Variants in DISP3 observed in about 807,000 individuals in gnomAD.
DISP3 encodes dispatched RND transporter family member 3, also known as protein dispatched homolog 3.
Under a neutral mutation model 135.3 loss-of-function variants are expected in DISP3, and 101 were observed. The observed-to-expected ratio is 0.75, with a 90% CI of 0.64 to 0.88. The LOEUF (loss-of-function observed/expected upper bound fraction) is 0.88, where lower values mean the gene tolerates loss of function less well. Ranked by LOEUF, DISP3 falls within the 40% of genes least tolerant of loss-of-function variation. The pLI is 0.00. For missense variants in DISP3, 1,713 were observed against 1,878.6 expected, an observed-to-expected ratio of 0.91 and a Z score of 1.63; for synonymous variants, 856 against 817.0, an observed-to-expected ratio of 1.05 and a Z score of -0.81.
At position 11,534,373 on chromosome 1, in the gene DISP3, C is replaced by G; in HGVS notation, c.3376-8C>G. 4.3e-6 allele frequency: 7 copies of G among 1,614,164 alleles called. No individual in the cohort carries two copies. Among genetic ancestry groups the G allele is most frequent in the Non-Finnish European group, 5.9e-6 (7 of 1,179,990 alleles). On this transcript the variant is annotated splice_polypyrimidine_tract_variant and splice_region_variant and intron_variant, in intron 17 of 20. Transcript: ENST00000294484. Reference sequence around the variant, plus strand: ...GCCTGTCTCACTAGCTCACATCTCTCCCCACAGACCACGTACAAGGGCAAA... The same window carrying G: ...GCCTGTCTCACTAGCTCACATCTCTGCCCACAGACCACGTACAAGGGCAAA...
At chr1:11,530,538 T>G (rs1482695349) in intron 15 of DISP3, among the ~76,000 whole-genome samples, 2 of 151,424 alleles carry the variant, frequency 1.3e-5, no homozygotes, top group Non-Finnish European at 2.9e-5. Context: ...CAGTCCACAC[T>G]GGGTGTCTGC....
In DISP3 at chr1:11,534,493, G is replaced by A. The variant is rs1388187648; in HGVS notation, c.3488G>A (p.Gly1163Asp). The part of the protein sequence containing the change: ...ALPEGSVLRR[G>D]FQTCEHWKQI... ...CCCGAGGGCTCAGTCCTGCGCCGGGGCTTCCAGACCTGCGAGCACTGGAAG... is the reference window on the plus strand; with the variant it reads ...CCCGAGGGCTCAGTCCTGCGCCGGGACTTCCAGACCTGCGAGCACTGGAAG... The change falls in exon 18 of 21, where the codon GGC becomes GAC. Residue 1163 changes from glycine to aspartate, a missense_variant. Transcript: ENST00000294484. The A allele has an allele frequency of 2.5e-6, 4 of 1,613,940 alleles. No homozygotes were observed. The highest frequency in any genetic ancestry group is 1.1e-5 in the South Asian group (1 of 91,060).
intron 17 of DISP3, among the ~76,000 whole-genome samples, chr1:11,534,077 C>G (rs1642643349): frequency 6.6e-6 from 1 of 152,242 alleles, no homozygotes; most frequent in African/African-American, 2.4e-5. Context: ...TGAGCAGGAA[C>G]TGGCTGAGCA....
At chr1:11,492,862 G>A (rs953745967) in intron 1 of DISP3, among the ~76,000 whole-genome samples, 1 of 152,176 alleles carries the variant, frequency 6.6e-6, no homozygotes, top group Non-Finnish European at 1.5e-5. Flanking sequence ...GGATCTGGAA[G>A]GCATTCCCTG....
At chr1:11,512,538 C>A (rs1472812503) in intron 3 of DISP3, among the ~76,000 whole-genome samples, 1 of 152,172 alleles carries the variant, frequency 6.6e-6, no homozygotes, top group Non-Finnish European at 1.5e-5. Flanking sequence ...TCTGAGACCA[C>A]CTCAGCCTGA....
chr1:11,535,607 TGC>T lies in DISP3; in HGVS notation c.3780_3781del (p.Leu1261GlyfsTer122). On this transcript the variant is annotated frameshift_variant, in exon 20 of 21. Coordinates refer to ENST00000294484, the MANE Select transcript of DISP3 (RefSeq NM_020780.2). LOFTEE classifies it high-confidence loss of function. ...TGCGTCCACCTGGTCGAGGGCTACC[TGC>T]TGGCTGGAGAGAACCTGCCCCCCCA... The T allele has an allele frequency of 6.2e-7, 1 of 1,613,198 alleles. No individual in the cohort carries two copies. Among genetic ancestry groups the T allele is most frequent in the Non-Finnish European group, 8.5e-7 (1 of 1,179,854 alleles).
Position 11,536,395 on chromosome 1 carries a change from T to C in DISP3, c.3888T>C (p.Ser1296=). The part of the protein sequence containing the change: ...VRHVGVAIVS[S]ALTTVIATVP... ...ACGTGGGCGTGGCCATCGTCTCCAGTGCCCTCACCACGGTCATCGCCACAG... is the reference window on the plus strand; with the variant it reads ...ACGTGGGCGTGGCCATCGTCTCCAGCGCCCTCACCACGGTCATCGCCACAG... Residue 1296 remains serine, a synonymous_variant, in exon 21 of 21, where the codon AGT becomes AGC. Coordinates refer to ENST00000294484, the MANE Select transcript of DISP3 (RefSeq NM_020780.2). The surrounding 1 kb of genome is among the most constrained non-coding windows in gnomAD (Gnocchi z 4.3). The C allele has an allele frequency of 6.2e-7, 1 of 1,611,772 alleles. No individual in the cohort carries two copies. The highest frequency in any genetic ancestry group is 8.5e-7 in the Non-Finnish European group (1 of 1,179,928).
chr1:11,484,885 T>C (rs2100353076), intron 1 of DISP3, among the ~76,000 whole-genome samples: 1 of 152,284 alleles, frequency 6.6e-6, no homozygotes, highest in East Asian at 1.9e-4. Context: ...CAACCTCCTT[T>C]GCCAGAAAAG....
At position 11,529,285 on chromosome 1, in the gene DISP3, C is replaced by T. The variant is rs1642510112; in HGVS notation, c.2799-271C>T. On this transcript the variant is annotated intron_variant, in intron 13 of 20. Coordinates refer to ENST00000294484, the MANE Select transcript of DISP3 (RefSeq NM_020780.2). The surrounding 1 kb of genome is among the most constrained non-coding windows in gnomAD (Gnocchi z 4.7). The stretch of plus-strand genomic sequence containing the variant: ...TGGTCTTCTCCACCCTTCATGACTC[C>T]TATGGGGAGACTGAGACCCAGAGGG... 6.6e-6 allele frequency among the ~76,000 whole-genome samples: 1 copy of T among 152,108 alleles called. No homozygotes were observed. The highest frequency in any genetic ancestry group is 2.1e-4 in the South Asian group (1 of 4,832).
At position 11,501,808 on chromosome 1, in the gene DISP3, C is replaced by G. The variant is rs760506696; in HGVS notation, c.816C>G (p.His272Gln). The G allele has an allele frequency of 5.0e-6, 8 of 1,608,076 alleles. No homozygotes were observed. Among genetic ancestry groups the G allele is most frequent in the Non-Finnish European group, 6.8e-6 (8 of 1,176,892 alleles). ...YVSANTQTHA[H>Q]WRIELIFLAR... ...GTGCCAACACTCAGACGCACGCGCA[C>G]TGGCGCATCGAGCTCATCTTCCTGG... The change falls in exon 2 of 21, where the codon CAC (histidine) becomes CAG (glutamine). Residue 272 changes from histidine to glutamine, a missense_variant. Transcript: ENST00000294484. The surrounding 1 kb of genome is among the most constrained non-coding windows in gnomAD (Gnocchi z 4.9).
At chr1:11,518,338 G>C (rs1642071568) in intron 7 of DISP3, among the ~76,000 whole-genome samples, 1 of 152,228 alleles carries the variant, frequency 6.6e-6, no homozygotes, top group South Asian at 2.1e-4. Flanking sequence ...GCTTAGACTT[G>C]GGCCTGAGAT....
rs1191288312 is a variant in DISP3, at chr1:11,519,623, G to T, written c.2039-96G>T. On this transcript the variant is annotated intron_variant, in intron 8 of 20. Transcript: ENST00000294484. This position sits in a 1 kb window ranked among gnomAD's most constrained non-coding sequence, Gnocchi z 4.3. ...GGGGGCCGGACAAGATGGCCTGTGG[G>T]CTTCCTCACCAGGCATCTGGGCTTC... is the stretch of plus-strand genomic sequence containing the variant. 21 of 1,569,228 alleles carry T rather than the reference G, an allele frequency of 1.3e-5. No individual in the cohort carries two copies. In the East Asian group the frequency reaches 4.5e-4, roughly 34 times the overall value.
intron 1 of DISP3, among the ~76,000 whole-genome samples, chr1:11,498,038 G>GGGA (rs1374083844): frequency 6.6e-6 from 1 of 152,206 alleles, no homozygotes; most frequent in Non-Finnish European, 1.5e-5. Flanking sequence ...GGCTCTCACT[G>GGGA]GGAGGTGGAG....
Position 11,491,939 on chromosome 1 carries a change from G to A in DISP3, c.-3-9051G>A, listed in dbSNP as rs962046120. Among the ~76,000 whole-genome samples, 2 of 150,964 alleles carry A rather than the reference G, an allele frequency of 1.3e-5. No individual in the cohort carries two copies. The highest frequency in any genetic ancestry group is 6.6e-5 in the Admixed American group (1 of 15,166). On this transcript the variant is annotated intron_variant, in intron 1 of 20. Coordinates refer to ENST00000294484, the MANE Select transcript of DISP3 (RefSeq NM_020780.2). The surrounding 1 kb of genome is among the most constrained non-coding windows in gnomAD (Gnocchi z 4.3). Reference sequence around the variant, plus strand: ...AGATCGAGACCATCCCGGCTAAAACGGTGAAACCCCGTCTCTACTAAAAAT... The same window carrying A: ...AGATCGAGACCATCCCGGCTAAAACAGTGAAACCCCGTCTCTACTAAAAAT...
At position 11,535,259 on chromosome 1, in the gene DISP3, C is replaced by G. The variant is rs904033963; in HGVS notation, c.3649+135C>G. On this transcript the variant is annotated intron_variant, in intron 19 of 20. Coordinates refer to ENST00000294484, the MANE Select transcript of DISP3 (RefSeq NM_020780.2). ...TCAGCGGAGGCTCATAGGACTGTCT[C>G]TCCTGCATGTCTGTGCTCCTGAGCA... 3.8e-6 allele frequency: 4 copies of G among 1,043,930 alleles called. No homozygotes were observed. The African/African-American group carries it at 4.8e-5, about 12-fold the overall frequency. 64.7% of individuals were successfully genotyped at this position (1,043,930 alleles called of 1,614,324 possible).
chr1:11,508,475 C>G (rs562935857), intron 3 of DISP3, among the ~76,000 whole-genome samples: 2 of 151,862 alleles, frequency 1.3e-5, no homozygotes, highest in East Asian at 3.9e-4. Context: ...TAATATTTCC[C>G]TATTATCTTT....
chr1:11,515,600 C>A, intron 5 of DISP3, 97 bp downstream of exon 5: 1 of 1,478,716 alleles, frequency 6.8e-7, no homozygotes, highest in Non-Finnish European at 9.0e-7. Flanking sequence ...TCCCTGGGGG[C>A]TCTACACAGC....
At chr1:11,533,449 G>T (rs1360232275) in intron 17 of DISP3, among the ~76,000 whole-genome samples, 1 of 151,660 alleles carries the variant, frequency 6.6e-6, no homozygotes, top group African/African-American at 2.4e-5. Context: ...TAGAGACAGG[G>T]TTTCACCATG....
chr1:11,525,935 G>C (rs1211448305), intron 12 of DISP3, among the ~76,000 whole-genome samples: 1 of 152,190 alleles, frequency 6.6e-6, no homozygotes, highest in Non-Finnish European at 1.5e-5. Flanking sequence ...TCAGCCTCCT[G>C]AGTAGCTGTG....
Sources: allele counts gnomAD v4.1 joint callset (sites outside exome capture counted in the v4.1 genomes callset), GRCh38; gene constraint gnomAD v4.1.1; non-coding constraint Gnocchi (gnomAD v3.1); transcripts MANE v1.5; gene names NCBI Gene and HGNC (gene_info 2026-07-23, HGNC 2026-07-21).